AHNAK: variants seen among roughly 807,000 people sequenced by gnomAD.
AHNAK encodes neuroblast differentiation-associated protein AHNAK.
Under a neutral mutation model 37.8 loss-of-function variants are expected in AHNAK, and 23 were observed. The ratio of observed to expected loss-of-function variants is 0.61; its 90% CI spans 0.44 to 0.86. The LOEUF (loss-of-function observed/expected upper bound fraction) is 0.86, where lower values mean the gene tolerates loss of function less well. Among genes scored for constraint, AHNAK ranks in the 40% least tolerant of loss-of-function variants. The pLI is 0.00. For synonymous variants in AHNAK, 2,481 were observed against 2,636.3 expected, an observed-to-expected ratio of 0.94 and a Z score of 1.80; for missense variants, 7,411 against 7,319.4, an observed-to-expected ratio of 1.01 and a Z score of -0.46.
Position 62,531,371 on chromosome 11 carries a change from G to C in AHNAK, c.3046C>G (p.Pro1016Ala). Residue 1016 changes from proline to alanine, a missense_variant, in exon 5 of 5, where the codon CCA becomes GCA. Physicochemically the swap from Pro to Ala is conservative, Grantham distance 27. Transcript: ENST00000378024. Reference sequence around the variant, plus strand: ...TTGGACAGGTTCACATCAAATTCTGGCCCCTCTCCTTTGAGGCTGGGCATG... The same window carrying C: ...TTGGACAGGTTCACATCAAATTCTGCCCCCTCTCCTTTGAGGCTGGGCATG... ...FSMPSLKGEG[P>A]EFDVNLSKAN... 1 of 1,613,828 alleles carries C rather than the reference G, an allele frequency of 6.2e-7. No homozygotes were observed. The highest frequency in any genetic ancestry group is 8.5e-7 in the Non-Finnish European group (1 of 1,179,976).
At chr11:62,470,769 T>C (rs1939019244) in intron 5 of AHNAK, among the ~76,000 whole-genome samples, 1 of 151,234 alleles carries the variant, frequency 6.6e-6, no homozygotes, top group Admixed American at 6.6e-5. Flanking sequence ...GATCATCATC[T>C]CCCACCAACC....
Position 62,532,813 on chromosome 11 carries a change from G to GCCA in AHNAK, c.1601_1603dup (p.Val534dup). 6.2e-7 allele frequency: 1 copy of GCCA among 1,614,022 alleles called. No individual in the cohort carries two copies. The highest frequency in any genetic ancestry group is 1.1e-5 in the South Asian group (1 of 91,074). The stretch of plus-strand genomic sequence containing the variant: ...TATGTCCACTCTGGAGCCTTTAAGT[G>GCCA]CCACTTGAGGGCCTTTAACATCACC... On this transcript the variant is annotated inframe_insertion, in exon 5 of 5. Coordinates refer to ENST00000378024, the MANE Select transcript of AHNAK (RefSeq NM_001620.3).
chr11:62,477,604 C>G (rs1683585899), intron 5 of AHNAK, among the ~76,000 whole-genome samples: 1 of 152,124 alleles, frequency 6.6e-6, no homozygotes, highest in Non-Finnish European at 1.5e-5. Flanking sequence ...GAGTTCGAGA[C>G]CAGCCTGGCC....
At chr11:62,535,324 G>T in intron 3 of AHNAK, 134 bp from the exon 4 acceptor site, 1 of 781,440 alleles carries the variant, frequency 1.3e-6, no homozygotes, top group Non-Finnish European at 2.0e-6. Context: ...AATACCCATT[G>T]TACAGACACG....
At chr11:62,534,136 G>A in intron 4 of AHNAK, 62 bp from the exon 5 acceptor site, 3 of 1,477,346 alleles carry the variant, frequency 2.0e-6, no homozygotes, top group East Asian at 2.3e-5. Context: ...CAGATGCCCG[G>A]CCACAGCCCA....
At chr11:62,475,830 C>G (rs980235510) in intron 5 of AHNAK, among the ~76,000 whole-genome samples, 1 of 151,750 alleles carries the variant, frequency 6.6e-6, no homozygotes, top group Non-Finnish European at 1.5e-5. Flanking sequence ...GTCTCGAGCT[C>G]CTGACCTCAG....
At chr11:62,465,901 T>C (rs1938902818) in intron 5 of AHNAK, among the ~76,000 whole-genome samples, 1 of 152,208 alleles carries the variant, frequency 6.6e-6, no homozygotes, top group Non-Finnish European at 1.5e-5. Flanking sequence ...CACTGTAATT[T>C]TGGGCTTCTG....
chr11:62,522,505 T>C lies in AHNAK; in HGVS notation c.11912A>G (p.Asp3971Gly). 1 of 1,613,692 alleles carries C rather than the reference T, an allele frequency of 6.2e-7. No homozygotes were observed. The highest frequency in any genetic ancestry group is 8.5e-7 in the Non-Finnish European group (1 of 1,179,948). Reference protein sequence around the residue: ...LDVSGPKVDVDVPDVNIEGPD... With the variant: ...LDVSGPKVDVGVPDVNIEGPD... ...ACCTTCAATATTCACATCTGGAACA[T>C]CAACGTCCACCTTGGGTCCTGAGAC... Residue 3971 changes from aspartate to glycine, a missense_variant, in exon 5 of 5, where the codon GAT becomes GGT. Asp to Gly is a moderately conservative substitution (Grantham distance 94). Transcript: ENST00000378024.
intron 5 of AHNAK, among the ~76,000 whole-genome samples, chr11:62,461,143 CT>C (rs71056521): frequency 1.9e-4 from 15 of 79,836 alleles, no homozygotes; most frequent in African/African-American, 3.3e-4. Context: ...CCAAATTCCC[CT>C]TTTTTTTTTT....
intron 5 of AHNAK, among the ~76,000 whole-genome samples, chr11:62,451,748 A>AG (rs1187820020): frequency 6.6e-6 from 1 of 151,612 alleles, no homozygotes. Flanking sequence ...AAAAAAAAAA[A>AG]AAAAAAATTA....
intron 5 of AHNAK, among the ~76,000 whole-genome samples, chr11:62,485,864 A>G (rs547495404): frequency 6.6e-6 from 1 of 151,768 alleles, no homozygotes; most frequent in African/African-American, 2.4e-5. Context: ...CTAAAAAATA[A>G]CAAAAAATTA....
rs1940045653 is a variant in AHNAK at position 62,517,098 on chromosome 11, A to C, written c.17319T>G (p.Ser5773Arg). Residue 5773 changes from serine (S) to arginine (R), a missense_variant, in exon 5 of 5, where the codon AGT (serine) becomes AGG (arginine). Transcript: ENST00000378024. Reference sequence around the variant, plus strand: ...AATTTGAGCGGTGCCGTGGCTTCTTACTTTTAAATAAGGAGAATTTGCCTT... The same window carrying C: ...AATTTGAGCGGTGCCGTGGCTTCTTCCTTTTAAATAAGGAGAATTTGCCTT... The part of the protein sequence containing the change: ...SPKGKFSLFK[S>R]KKPRHRSNSF... The C allele has an allele frequency of 6.2e-7, 1 of 1,613,610 alleles. No individual in the cohort carries two copies.
exon 6 of AHNAK, chr11:62,433,830 A>G: frequency 6.2e-7 from 1 of 1,612,296 alleles, no homozygotes; most frequent in Non-Finnish European, 8.5e-7. Flanking sequence ...CAATGCTCCA[A>G]AGAACGGTCA....
At chr11:62,536,393 G>A in intron 2 of AHNAK, 76 bp downstream of exon 2, 1 of 314,300 alleles carries the variant, frequency 3.2e-6, no homozygotes, top group Non-Finnish European at 5.9e-6. Flanking sequence ...CACGGCCCCA[G>A]CCTCCCATCC....
intron 5 of AHNAK, among the ~76,000 whole-genome samples, chr11:62,459,942 C>A (rs949037113): frequency 1.3e-5 from 2 of 151,996 alleles, no homozygotes; most frequent in African/African-American, 4.8e-5. Context: ...GAGTTCAAGG[C>A]CAGCCTTGTC....
chr11:62,539,910 T>C (rs1024314446), intron 1 of AHNAK, among the ~76,000 whole-genome samples: 2 of 152,222 alleles, frequency 1.3e-5, no homozygotes, highest in African/African-American at 4.8e-5. Flanking sequence ...ATGGAAATAC[T>C]GAAGGGAATA....
At chr11:62,435,996 T>C (rs531091498) in intron 5 of AHNAK, among the ~76,000 whole-genome samples, 31 of 152,318 alleles carry the variant, frequency 2.0e-4, no homozygotes, top group Admixed American at 7.8e-4. Context: ...AACAAAGGCT[T>C]TGAGAAGTTA....
At chr11:62,491,952 C>T in intron 4 of AHNAK, 1 of 759,650 alleles carries the variant, frequency 1.3e-6, no homozygotes, top group Non-Finnish European at 2.2e-6. Flanking sequence ...ACTACCACCC[C>T]CCAACACACC....
chr11:62,472,889 C>T (rs1939060991), intron 5 of AHNAK, among the ~76,000 whole-genome samples: 1 of 150,834 alleles, frequency 6.6e-6, no homozygotes, highest in South Asian at 2.1e-4. Flanking sequence ...GAGGTCAAGA[C>T]CAGCCTGGCC....
Sources: gnomAD v4.1 joint callset for allele counts (sites outside exome capture counted in the v4.1 genomes callset) on GRCh38, gnomAD v4.1.1 for gene constraint, MANE v1.5 for transcripts, NCBI Gene and HGNC (gene_info 2026-07-23, HGNC 2026-07-21) for gene names.